The following CC2D2A variants were observed in gnomAD, a reference collection of about 807,000 sequenced individuals.
CC2D2A encodes coiled-coil and C2 domain containing 2A.
Under a neutral mutation model 212.9 loss-of-function variants are expected in CC2D2A, and 155 were observed. The observed-to-expected ratio is 0.73, with a 90% CI of 0.64 to 0.83. The LOEUF (loss-of-function observed/expected upper bound fraction) is 0.83. Among genes scored for constraint, CC2D2A ranks in the 40% least tolerant of loss-of-function variants. The probability of loss-of-function intolerance (pLI) is 0.00; values close to 1 mark genes in which losing one functional copy is unlikely to be tolerated. For missense variants in CC2D2A, 1,856 were observed against 1,956.2 expected (o/e 0.95, Z 0.97); for synonymous variants, 667 against 686.5 (o/e 0.97, Z 0.44).
chr4:15,472,812 A>G (rs1314138686), intron 1 of CC2D2A, among the ~76,000 whole-genome samples: 1 of 151,824 alleles, frequency 6.6e-6, no homozygotes, highest in African/African-American at 2.4e-5. Flanking sequence ...TATTTTTTGT[A>G]CCCTGTGATG....
At chr4:15,524,788 A>G (rs916986429) in intron 11 of CC2D2A, among the ~76,000 whole-genome samples, 1 of 152,188 alleles carries the variant, frequency 6.6e-6, no homozygotes, top group African/African-American at 2.4e-5. Flanking sequence ...ATCTCTGCAC[A>G]TGGTGAGAAC....
At chr4:15,593,790 C>T (rs1027880252) in intron 33 of CC2D2A, among the ~76,000 whole-genome samples, 2 of 152,188 alleles carry the variant, frequency 1.3e-5, no homozygotes, top group African/African-American at 4.8e-5. Flanking sequence ...CTAGCATGTT[C>T]GTTCAAGTCA....
At chr4:15,535,464 G>A (rs1296114116) in intron 14 of CC2D2A, among the ~76,000 whole-genome samples, 3 of 151,964 alleles carry the variant, frequency 2.0e-5, no homozygotes, top group Non-Finnish European at 4.4e-5. Context: ...AAATTCTTTT[G>A]GAGTACCCTT....
At chr4:15,479,335 C>G in intron 3 of CC2D2A, 4 of 1,532,838 alleles carry the variant, frequency 2.6e-6, no homozygotes, top group Non-Finnish European at 3.5e-6. Flanking sequence ...CAAGGTAAGT[C>G]CTTGGTAAGA....
intron 4 of CC2D2A, among the ~76,000 whole-genome samples, chr4:15,483,328 A>C (rs982550573): frequency 1.3e-5 from 2 of 152,224 alleles, no homozygotes; most frequent in African/African-American, 4.8e-5. Context: ...AGGAGTCTGC[A>C]TGGGGAACTG....
chr4:15,537,074 C>A lies in CC2D2A; in HGVS notation c.1762C>A (p.Gln588Lys), dbSNP rs116358011. The A allele has an allele frequency of 1.2e-6, 2 of 1,612,840 alleles. No individual in the cohort carries two copies. Among genetic ancestry groups the A allele is most frequent in the African/African-American group, 1.3e-5 (1 of 75,014 alleles). Residue 588 changes from glutamine to lysine, a missense_variant and splice_region_variant, in exon 15 of 37, where the codon CAA (glutamine) becomes AAA (lysine). Transcript: ENST00000424120. Reference protein sequence around the residue: ...LQQWKAWRKVQRAKKKKRKQA... With the variant: ...LQQWKAWRKVKRAKKKKRKQA... ...ACAGTGGAAGGCCTGGAGGAAAGTG[C>A]AAGTGTGTAAACAAACACTCAGCCT...
intron 19 of CC2D2A, among the ~76,000 whole-genome samples, chr4:15,554,685 T>C (rs1323386936): frequency 6.6e-6 from 1 of 151,750 alleles, no homozygotes; most frequent in African/African-American, 2.4e-5. Flanking sequence ...AAAAAAAGAG[T>C]TGGTTTTGTT....
chr4:15,506,206 C>T (rs957408457), intron 6 of CC2D2A, among the ~76,000 whole-genome samples: 4 of 152,058 alleles, frequency 2.6e-5, no homozygotes, highest in African/African-American at 4.8e-5. Flanking sequence ...CATGCTCAAT[C>T]CTTTTAAGTA....
At chr4:15,586,696 A>G (rs1306312208) in intron 31 of CC2D2A, among the ~76,000 whole-genome samples, 1 of 152,220 alleles carries the variant, frequency 6.6e-6, no homozygotes, top group Non-Finnish European at 1.5e-5. Flanking sequence ...TAAATGAAAT[A>G]AACATAGTCT....
At chr4:15,539,886 T>A (rs571102055) in intron 16 of CC2D2A, among the ~76,000 whole-genome samples, 21 of 152,316 alleles carry the variant, frequency 1.4e-4, no homozygotes, top group African/African-American at 2.4e-5. Context: ...AGCTATTTCA[T>A]CTAGAATAAG....
At chr4:15,575,097 T>C (rs1577388990) in intron 29 of CC2D2A, among the ~76,000 whole-genome samples, 4 of 152,364 alleles carry the variant, frequency 2.6e-5, no homozygotes, top group East Asian at 3.9e-4. Context: ...ACTGCCCTCA[T>C]TGGATTTGGG....
chr4:15,568,015 G>A (rs953917363), intron 26 of CC2D2A, among the ~76,000 whole-genome samples: 10 of 152,066 alleles, frequency 6.6e-5, no homozygotes, highest in African/African-American at 2.2e-4. Flanking sequence ...TTCATTGTTG[G>A]GACATCCTAT....
chr4:15,530,027 A>T (rs980223495), intron 13 of CC2D2A, among the ~76,000 whole-genome samples: 1 of 150,710 alleles, frequency 6.6e-6, no homozygotes, highest in Admixed American at 6.6e-5. Context: ...GCTGGAGTGC[A>T]GTGGTGCGAT....
chr4:15,601,123 ACAAG>A (rs1173464810), intron 36 of CC2D2A, 110 bp from the exon 37 acceptor site: 2 of 820,330 alleles, frequency 2.4e-6, no homozygotes, highest in Non-Finnish European at 3.7e-6. Context: ...GTAGAAAAAC[ACAAG>A]CAAATAACTG....
intron 29 of CC2D2A, among the ~76,000 whole-genome samples, chr4:15,574,553 A>G (rs947793142): frequency 5.3e-5 from 8 of 152,212 alleles, no homozygotes; most frequent in African/African-American, 1.4e-4. Flanking sequence ...GTTTATATTT[A>G]TCTTGCTTTG....
intron 4 of CC2D2A, among the ~76,000 whole-genome samples, chr4:15,488,612 C>T (rs1322120575): frequency 6.6e-6 from 1 of 152,122 alleles, no homozygotes. Context: ...TATCTGGATC[C>T]ACGTTTGATT....
intron 28 of CC2D2A, among the ~76,000 whole-genome samples, chr4:15,571,823 T>A (rs1720183971): frequency 6.6e-6 from 1 of 152,178 alleles, no homozygotes; most frequent in Non-Finnish European, 1.5e-5. Flanking sequence ...ACACTGCCTG[T>A]GATAGTTGTT....
intron 3 of CC2D2A, chr4:15,479,206 TTCTG>T: frequency 6.5e-7 from 1 of 1,531,048 alleles, no homozygotes; most frequent in Non-Finnish European, 8.8e-7. Context: ...CAAGCCCAAA[TTCTG>T]TCTTTGAGGC....
chr4:15,516,973 G>A (rs1192221539), intron 11 of CC2D2A, among the ~76,000 whole-genome samples: 24 of 131,852 alleles, frequency 1.8e-4, no homozygotes, highest in Non-Finnish European at 3.7e-4. Flanking sequence ...TTTTTGAGAC[G>A]GAGTCTCGCT....
Sources: allele counts gnomAD v4.1 joint callset (sites outside exome capture counted in the v4.1 genomes callset), GRCh38; gene constraint gnomAD v4.1.1; transcripts MANE v1.5; gene names NCBI Gene and HGNC (gene_info 2026-07-23, HGNC 2026-07-21).